EFCAB13: variants seen among roughly 807,000 people sequenced by gnomAD.
EFCAB13 encodes EF-hand calcium binding domain 13.
In EFCAB13, 91 loss-of-function variants were observed where a neutral mutation model predicts 110.2. The ratio of observed to expected loss-of-function variants is 0.83; its 90% CI spans 0.70 to 0.98. The LOEUF (loss-of-function observed/expected upper bound fraction) is 0.98. Ranked by LOEUF, EFCAB13 falls within the 50% of genes least tolerant of loss-of-function variation. EFCAB13 has a pLI of 0.00. For missense variants in EFCAB13, 968 were observed against 1,119.4 expected, an observed-to-expected ratio of 0.86 and a Z score of 1.93; for synonymous variants, 323 against 369.9, an observed-to-expected ratio of 0.87 and a Z score of 1.45.
Position 47,438,498 on chromosome 17 carries a change from C to CTT in EFCAB13, c.2639-1920_2639-1919dup, listed in dbSNP as rs112384926. 3.3e-3 allele frequency among the ~76,000 whole-genome samples: 466 copies of CTT among 142,316 alleles called. 1 individual carries two copies. The highest frequency in any genetic ancestry group is 3.6e-3 in the Middle Eastern group (1 of 274). 93.4% of individuals were successfully genotyped at this position (142,316 alleles called of 152,430 possible). On this transcript the variant is annotated intron_variant, in intron 24 of 24. Coordinates refer to ENST00000331493, the MANE Select transcript of EFCAB13 (RefSeq NM_152347.5). ...GAGGCTTTCTTCATATAGTCTTATT[C>CTT]TTTTTTTTTTTTTTGTCTTTGTTGG...
intron 6 of EFCAB13, 38 bp from the exon 7 acceptor site, chr17:47,344,124 C>T (rs900977510): frequency 1.3e-6 from 2 of 1,592,392 alleles, no homozygotes; most frequent in African/African-American, 2.7e-5. Flanking sequence ...ACCAGTGTCA[C>T]TCACCTCAGG....
intron 14 of EFCAB13, among the ~76,000 whole-genome samples, chr17:47,380,287 G>C (rs973934912): frequency 1.3e-5 from 2 of 151,704 alleles, no homozygotes; most frequent in African/African-American, 4.9e-5. Context: ...GTGTCCATGT[G>C]TTCTCATTGT....
chr17:47,358,873 C>CCT (rs2038325069), intron 9 of EFCAB13, among the ~76,000 whole-genome samples: 1 of 152,190 alleles, frequency 6.6e-6, no homozygotes, highest in African/African-American at 2.4e-5. Flanking sequence ...GAGACTCAGT[C>CCT]ATTTTTCTTG....
At chr17:47,397,426 G>A (rs1171769688) in intron 17 of EFCAB13, among the ~76,000 whole-genome samples, 1 of 151,560 alleles carries the variant, frequency 6.6e-6, no homozygotes, top group Admixed American at 6.6e-5. Flanking sequence ...CCTCTGCCCG[G>A]CCGCCACCCC....
At chr17:47,388,190 C>A (rs2065687045) in intron 14 of EFCAB13, among the ~76,000 whole-genome samples, 1 of 152,200 alleles carries the variant, frequency 6.6e-6, no homozygotes, top group African/African-American at 2.4e-5. Context: ...ATAATACTTC[C>A]TTTGGGTTGA....
At position 47,374,861 on chromosome 17, in the gene EFCAB13, A is replaced by C; in HGVS notation, c.1267A>C (p.Ser423Arg). The change falls in exon 12 of 25, where the codon AGT becomes CGT. Residue 423 changes from serine to arginine, a missense_variant. Ser to Arg is a moderately radical substitution (Grantham distance 110, BLOSUM62 -1). Transcript: ENST00000331493. ...STSLSKSLDK[S>R]DISSIPKLQK... ...AAGCCTCAGTAAGTCTCTGGATAAAAGTGATATTTCTAGTATCCCAAAACT... is the reference window on the plus strand; with the variant it reads ...AAGCCTCAGTAAGTCTCTGGATAAACGTGATATTTCTAGTATCCCAAAACT... 6.2e-7 allele frequency: 1 copy of C among 1,613,658 alleles called. No homozygotes were observed. Among genetic ancestry groups the C allele is most frequent in the Non-Finnish European group, 8.5e-7 (1 of 1,179,906 alleles).
At chr17:47,341,021 A>G (rs1476565803) in intron 5 of EFCAB13, among the ~76,000 whole-genome samples, 1 of 151,964 alleles carries the variant, frequency 6.6e-6, no homozygotes, top group Non-Finnish European at 1.5e-5. Context: ...CACCACCTAG[A>G]GAGTGGTTTT....
intron 5 of EFCAB13, among the ~76,000 whole-genome samples, chr17:47,339,461 A>C (rs1433599264): frequency 2.0e-5 from 3 of 152,120 alleles, no homozygotes. Context: ...CCTTGCATGC[A>C]CAGTTCACAA....
intron 24 of EFCAB13, among the ~76,000 whole-genome samples, chr17:47,434,081 A>G (rs1396110508): frequency 2.6e-5 from 4 of 152,148 alleles, no homozygotes; most frequent in African/African-American, 7.2e-5. Flanking sequence ...AGAAAAAAAT[A>G]AAGGGTATCC....
At chr17:47,345,655 C>T (rs2065410966) in intron 8 of EFCAB13, among the ~76,000 whole-genome samples, 1 of 152,208 alleles carries the variant, frequency 6.6e-6, no homozygotes, top group South Asian at 2.1e-4. Context: ...CTGACCAACA[C>T]TGATGGCCAC....
chr17:47,384,057 C>A (rs1172556702), intron 14 of EFCAB13, among the ~76,000 whole-genome samples: 1 of 151,466 alleles, frequency 6.6e-6, no homozygotes, highest in Non-Finnish European at 1.5e-5. Flanking sequence ...ATAGTTAGCT[C>A]TTCTTGTTGC....
rs1435663757 is a variant in EFCAB13 at position 47,412,931 on chromosome 17, G to C, written c.2422+15G>C. ...TAACGTCAGTGGTGAGCATTTTTTT[G>C]GCCTGAGATTCTTTTCATTTTTTTT... On this transcript the variant is annotated intron_variant, in intron 22 of 24. Transcript: ENST00000331493. 5.6e-6 allele frequency: 9 copies of C among 1,596,342 alleles called. No individual in the cohort carries two copies. The highest frequency in any genetic ancestry group is 7.7e-6 in the Non-Finnish European group (9 of 1,171,530).
intron 4 of EFCAB13, among the ~76,000 whole-genome samples, chr17:47,334,012 G>A (rs2065334960): frequency 1.3e-5 from 2 of 152,096 alleles, no homozygotes; most frequent in South Asian, 4.1e-4. Flanking sequence ...TGAATCTGTA[G>A]ATATCATTGG....
intron 9 of EFCAB13, among the ~76,000 whole-genome samples, chr17:47,359,609 A>AT (rs1000193776): frequency 2.1e-5 from 3 of 141,100 alleles, no homozygotes; most frequent in African/African-American, 5.2e-5. Context: ...AATCTGTTTA[A>AT]TTTTTTTTTC....
At chr17:47,347,164 G>A (rs2065421515) in intron 8 of EFCAB13, among the ~76,000 whole-genome samples, 1 of 152,166 alleles carries the variant, frequency 6.6e-6, no homozygotes, top group Admixed American at 6.5e-5. Context: ...CTACTGGAGA[G>A]GCTGAGGTAG....
intron 23 of EFCAB13, among the ~76,000 whole-genome samples, chr17:47,420,158 C>G (rs1033033615): frequency 2.6e-5 from 4 of 152,198 alleles, no homozygotes; most frequent in South Asian, 2.1e-4. Context: ...CTGTGTTGGC[C>G]GGGCTGGTCT....
chr17:47,379,903 A>C (rs1230028626), intron 14 of EFCAB13, among the ~76,000 whole-genome samples: 1 of 152,216 alleles, frequency 6.6e-6, no homozygotes, highest in Non-Finnish European at 1.5e-5. Flanking sequence ...AGATAAGGAA[A>C]GATTAGTCCA....
At chr17:47,414,082 A>G (rs1452636681) in intron 22 of EFCAB13, among the ~76,000 whole-genome samples, 1 of 152,114 alleles carries the variant, frequency 6.6e-6, no homozygotes, top group Non-Finnish European at 1.5e-5. Flanking sequence ...ATGGAATGTT[A>G]TATGTCATAG....
At chr17:47,411,387 G>T (rs879726017) in intron 21 of EFCAB13, among the ~76,000 whole-genome samples, 5 of 152,090 alleles carry the variant, frequency 3.3e-5, no homozygotes, top group Non-Finnish European at 5.9e-5. Context: ...CAGTTCAAAT[G>T]TCATTTCTGA....
Sources: allele counts gnomAD v4.1 joint callset (sites outside exome capture counted in the v4.1 genomes callset), GRCh38; gene constraint gnomAD v4.1.1; transcripts MANE v1.5; gene names NCBI Gene and HGNC (gene_info 2026-07-23, HGNC 2026-07-21).